USP36: variants seen among roughly 807,000 people sequenced by gnomAD.
USP36 encodes the protein ubiquitin carboxyl-terminal hydrolase 36.
In USP36, 59 loss-of-function variants were observed where a neutral mutation model predicts 111.5. That is an observed-to-expected ratio of 0.53 (90% CI 0.43 to 0.66). The LOEUF is 0.66. Among genes scored for constraint, USP36 ranks in the 30% least tolerant of loss-of-function variants. The pLI is 0.00. For missense variants in USP36, 1,488 were observed against 1,468.0 expected (o/e 1.01, Z -0.22); for synonymous variants, 628 against 581.0 (o/e 1.08, Z -1.16).
chr17:78,816,842 A>G (rs2094201332), intron 10 of USP36, among the ~76,000 whole-genome samples: 1 of 152,174 alleles, frequency 6.6e-6, no homozygotes. Context: ...TATATAGATC[A>G]AAGAGTTTTG....
In USP36 at chr17:78,812,943, G is replaced by C; in HGVS notation, c.1324C>G (p.Leu442Val). Reference protein sequence around the residue: ...GLISRTGSSSLPGRPSVIPDH... With the variant: ...GLISRTGSSSVPGRPSVIPDH... ...GGAATCACACTCGGGCGGCCGGGAA[G>C]GGAGGAGGAGCCTGTCCTGGAGATG... The change falls in exon 13 of 21, where the codon CTT becomes GTT. Residue 442 changes from leucine (L) to valine (V), a missense_variant. Physicochemically the swap from Leu to Val is conservative, Grantham distance 32 (BLOSUM62 1). This residue lies in a region of USP36 where 1,073 missense variants were observed against 994.1 expected (regional missense o/e 1.08). Transcript: ENST00000449938. 1 of 1,614,108 alleles carries C rather than the reference G, an allele frequency of 6.2e-7. No homozygotes were observed. Among genetic ancestry groups the C allele is most frequent in the Non-Finnish European group, 8.5e-7 (1 of 1,180,024 alleles).
At chr17:78,826,269 C>T (rs1045788647) in intron 6 of USP36, among the ~76,000 whole-genome samples, 1 of 152,160 alleles carries the variant, frequency 6.6e-6, no homozygotes, top group African/African-American at 2.4e-5. Context: ...GTGGCTCATG[C>T]CTGTAATCCC....
At chr17:78,826,807 T>C (rs2067584097) in intron 6 of USP36, 2 of 391,596 alleles carry the variant, frequency 5.1e-6, no homozygotes, top group South Asian at 8.3e-5. Context: ...GCTCCCTGTT[T>C]GTACATATAC....
At position 78,798,395 on chromosome 17, in the gene USP36, C is replaced by T. The variant is rs766733950; in HGVS notation, c.*20+5G>A. The T allele has an allele frequency of 2.5e-6, 4 of 1,613,678 alleles. No individual in the cohort carries two copies. The African/African-American group carries it at 5.3e-5, about 22-fold the overall frequency. On this transcript the variant is annotated splice_donor_5th_base_variant and intron_variant, in intron 20 of 20. Coordinates refer to ENST00000449938, the MANE Select transcript of USP36 (RefSeq NM_001385174.1). The surrounding 1 kb of genome is among the most constrained non-coding windows in gnomAD (Gnocchi z 5.1). ...CACCCTTACACCCACCCCCTCGGAA[C>T]CGACCTCCTTCCACAGGGGCACAGT...
intron 10 of USP36, among the ~76,000 whole-genome samples, chr17:78,814,935 G>GC (rs1567940046): frequency 6.6e-6 from 1 of 152,024 alleles, no homozygotes; most frequent in Admixed American, 6.6e-5. Flanking sequence ...GGGCGACAGA[G>GC]CGAGACTGTC....
chr17:78,831,707 C>T (rs187932197), intron 4 of USP36, among the ~76,000 whole-genome samples: 1 of 151,958 alleles, frequency 6.6e-6, no homozygotes, highest in African/African-American at 2.4e-5. Flanking sequence ...TTTTGGGAGG[C>T]TGACGCAGGA....
chr17:78,812,759 G>T, intron 13 of USP36, 101 bp downstream of exon 13: 1 of 1,267,368 alleles, frequency 7.9e-7, no homozygotes, highest in Non-Finnish European at 1.1e-6. Context: ...AGTGCAAACT[G>T]CCTGCAAATT....
At position 78,827,230 on chromosome 17, in the gene USP36, T is replaced by TGGGG; in HGVS notation, c.689+11_689+14dup. On this transcript the variant is annotated intron_variant, in intron 6 of 20. Transcript: ENST00000449938. Reference sequence around the variant, plus strand: ...GTGTCCAAAGCCCTGGGAGGGTGGGTGGGGAAGCACGCACTTGGCACAGCC... The same window carrying TGGGG: ...GTGTCCAAAGCCCTGGGAGGGTGGGTGGGGGGGGAAGCACGCACTTGGCACAGCC... The TGGGG allele has an allele frequency of 5.9e-6, 4 of 678,604 alleles. No homozygotes were observed. Among genetic ancestry groups the TGGGG allele is most frequent in the East Asian group, 1.0e-4 (1 of 9,928 alleles). 42.0% of individuals were successfully genotyped at this position (678,604 alleles called of 1,614,324 possible). A position where few individuals can be genotyped will look rare whatever the true frequency, so the allele number is the denominator to read the frequency against.
chr17:78,839,014 T>G (rs566495385), intron 1 of USP36, among the ~76,000 whole-genome samples: 1 of 152,236 alleles, frequency 6.6e-6, no homozygotes, highest in East Asian at 1.9e-4. Flanking sequence ...GCCAGTCAGC[T>G]CCAGTCTAAT....
At chr17:78,814,339 G>A in intron 11 of USP36, 73 bp downstream of exon 11, 2 of 1,583,436 alleles carry the variant, frequency 1.3e-6, no homozygotes, top group Non-Finnish European at 1.7e-6. Context: ...GTGCTCTACA[G>A]AGGCCGCATC....
intron 1 of USP36, 33 bp from the exon 2 acceptor site, chr17:78,838,783 G>A (rs2068957865): frequency 6.6e-6 from 1 of 152,378 alleles, no homozygotes; most frequent in African/African-American, 2.4e-5. Context: ...ATCAGTGGAG[G>A]CGACTCTTCC....
At chr17:78,813,031 T>C (rs773941307) in intron 12 of USP36, 30 bp from the exon 13 acceptor site, 2 of 1,613,140 alleles carry the variant, frequency 1.2e-6, no homozygotes, top group Non-Finnish European at 1.7e-6. Flanking sequence ...AGTAGGGAAT[T>C]CTCTTACTAG....
rs374434340 is a variant in USP36 at position 78,818,875 on chromosome 17, G to C, written c.912-97C>G. On this transcript the variant is annotated intron_variant, in intron 9 of 20. Coordinates refer to ENST00000449938, the MANE Select transcript of USP36 (RefSeq NM_001385174.1). The stretch of plus-strand genomic sequence containing the variant: ...AGTTAATAACAGCAACAACTGCTCT[G>C]TAATAGTGGAATCTTCATCAATGAG... The C allele has an allele frequency of 3.8e-4, 462 of 1,215,506 alleles. 2 individuals carry two copies. Among genetic ancestry groups the C allele is most frequent in the Middle Eastern group, 9.6e-4 (5 of 5,210 alleles). 75.3% of individuals were successfully genotyped at this position (1,215,506 alleles called of 1,614,324 possible).
Position 78,831,483 on chromosome 17 carries a change from G to A in USP36, c.476-2476C>T, listed in dbSNP as rs142172537. 2.8e-3 allele frequency among the ~76,000 whole-genome samples: 418 copies of A among 151,530 alleles called. 2 individuals are homozygous for A. Among genetic ancestry groups the A allele is most frequent in the African/African-American group, 9.3e-3 (384 of 41,324 alleles). The stretch of plus-strand genomic sequence containing the variant: ...CAAACATTAGCCGTGTGTGGTGGCA[G>A]TCACCTGTAATCCCAGCTACTTGGG... On this transcript the variant is annotated intron_variant, in intron 4 of 20. Coordinates refer to ENST00000449938, the MANE Select transcript of USP36 (RefSeq NM_001385174.1).
Position 78,807,086 on chromosome 17 carries a change from G to C in USP36, c.1958C>G (p.Thr653Arg), listed in dbSNP as rs143765903. 6.2e-7 allele frequency: 1 copy of C among 1,614,240 alleles called. No individual in the cohort carries two copies. Among genetic ancestry groups the C allele is most frequent in the South Asian group, 1.1e-5 (1 of 91,088 alleles). ...CTTAGAATCTGCTCCACTTGGCGGCGTTTTGGAGTGGCCAGCGGTGGAACA... is the reference window on the plus strand; with the variant it reads ...CTTAGAATCTGCTCCACTTGGCGGCCTTTTGGAGTGGCCAGCGGTGGAACA... ...TNCSTAGHSK[T>R]PPSGADSKTV... Residue 653 changes from threonine (T) to arginine (R), a missense_variant, in exon 14 of 21, where the codon ACG (threonine) becomes AGG (arginine). By Grantham distance (71) the Thr-to-Arg change is moderately conservative. This residue lies in a region of USP36 where 1,073 missense variants were observed against 994.1 expected (regional missense o/e 1.08). Transcript: ENST00000449938.
At chr17:78,820,865 G>T in intron 8 of USP36, 126 bp downstream of exon 8, 2 of 991,352 alleles carry the variant, frequency 2.0e-6, no homozygotes, top group Non-Finnish European at 3.1e-6. Flanking sequence ...ACTGCAAGGC[G>T]GCAGGGAGCA....
intron 6 of USP36, 113 bp from the exon 7 acceptor site, chr17:78,822,117 A>G: frequency 8.1e-7 from 1 of 1,233,256 alleles, no homozygotes; most frequent in Non-Finnish European, 1.2e-6. Context: ...GAGGCTGGGA[A>G]ACTCCACCCC....
Position 78,798,844 on chromosome 17 carries a change from C to T in USP36, c.3240+64G>A. 3.2e-6 allele frequency: 5 copies of T among 1,579,166 alleles called. No homozygotes were observed. The highest frequency in any genetic ancestry group is 2.2e-5 in the East Asian group (1 of 44,678). On this transcript the variant is annotated intron_variant, in intron 19 of 20. Coordinates refer to ENST00000449938, the MANE Select transcript of USP36 (RefSeq NM_001385174.1). The surrounding 1 kb of genome is among the most constrained non-coding windows in gnomAD (Gnocchi z 5.1). Reference sequence around the variant, plus strand: ...CCACTGCCGCCACCTCCAACTGCCCCGGCTCTGAGCTGAGCCACGCCGCCC... The same window carrying T: ...CCACTGCCGCCACCTCCAACTGCCCTGGCTCTGAGCTGAGCCACGCCGCCC...
At chr17:78,808,256 T>C (rs2093963130) in intron 13 of USP36, among the ~76,000 whole-genome samples, 1 of 112,882 alleles carries the variant, frequency 8.9e-6, no homozygotes, top group South Asian at 2.6e-4. Context: ...TCAATAAATA[T>C]CTTTAAGACA....
Sources: gnomAD v4.1 joint callset for allele counts (sites outside exome capture counted in the v4.1 genomes callset) on GRCh38, gnomAD v4.1.1 for gene constraint, gnomAD v4.1.1 regional missense constraint, Gnocchi (gnomAD v3.1) non-coding constraint, MANE v1.5 for transcripts, NCBI Gene and HGNC (gene_info 2026-07-23, HGNC 2026-07-21) for gene names.